Variants in DISC1 observed in about 807,000 individuals in gnomAD.
DISC1 encodes the protein DISC1 scaffold protein.
A neutral mutation model predicts 84.5 loss-of-function variants in DISC1; 57 were observed. That is an observed-to-expected ratio of 0.67 (90% CI 0.55 to 0.84). The LOEUF (loss-of-function observed/expected upper bound fraction) is 0.84. DISC1 is among the 40% of genes least tolerant of loss of function. DISC1 has a pLI of 0.00. For missense variants in DISC1, 1,000 were observed against 1,057.8 expected, an observed-to-expected ratio of 0.95 and a Z score of 0.76; for synonymous variants, 411 against 415.2, an observed-to-expected ratio of 0.99 and a Z score of 0.12.
chr1:231,956,813 G>A (rs1017059670), intron 9 of DISC1, among the ~76,000 whole-genome samples: 2 of 152,174 alleles, frequency 1.3e-5, no homozygotes, highest in African/African-American at 4.8e-5. Context: ...GTTGGTGCTG[G>A]ATGTATTCTA....
At chr1:231,725,148 A>C (rs1444665960) in intron 3 of DISC1, among the ~76,000 whole-genome samples, 2 of 152,122 alleles carry the variant, frequency 1.3e-5, no homozygotes, top group Non-Finnish European at 2.9e-5. Flanking sequence ...TGACGTCCCC[A>C]GTGATCAGGC....
At chr1:232,034,658 A>G (rs888708697) in intron 12 of DISC1, among the ~76,000 whole-genome samples, 1 of 152,194 alleles carries the variant, frequency 6.6e-6, no homozygotes, top group Admixed American at 6.5e-5. Context: ...GCACATTACA[A>G]ATAGTGGCAT....
intron 6 of DISC1, among the ~76,000 whole-genome samples, chr1:231,772,785 A>G (rs2076654562): frequency 6.6e-6 from 1 of 152,152 alleles, no homozygotes; most frequent in Non-Finnish European, 1.5e-5. Flanking sequence ...CATCCTATCC[A>G]GCCTATAAAA....
chr1:231,908,655 T>C (rs2088919173), intron 9 of DISC1, among the ~76,000 whole-genome samples: 1 of 152,220 alleles, frequency 6.6e-6, no homozygotes, highest in Non-Finnish European at 1.5e-5. Context: ...CAATGTGGGC[T>C]CCTTTTTGGT....
At chr1:231,833,058 T>G (rs1436190929) in intron 9 of DISC1, among the ~76,000 whole-genome samples, 1 of 142,366 alleles carries the variant, frequency 7.0e-6, no homozygotes. Flanking sequence ...TGGGTTAAGG[T>G]GGGGGGATAC....
At chr1:232,011,721 C>T (rs1016255832) in intron 11 of DISC1, among the ~76,000 whole-genome samples, 2 of 152,062 alleles carry the variant, frequency 1.3e-5, no homozygotes, top group African/African-American at 4.8e-5. Context: ...ATGTCTAAAT[C>T]CATAATTTTA....
At chr1:231,774,626 T>G in intron 6 of DISC1, 1 of 450,010 alleles carries the variant, frequency 2.2e-6, no homozygotes, top group Non-Finnish European at 4.5e-6. Flanking sequence ...CAGCTTCCTT[T>G]CTTCCACCGT....
intron 9 of DISC1, among the ~76,000 whole-genome samples, chr1:231,872,305 A>G (rs1199292538): frequency 1.3e-5 from 2 of 152,096 alleles, no homozygotes; most frequent in Non-Finnish European, 2.9e-5. Flanking sequence ...TGTATGTGTC[A>G]TGTGGTTCTT....
intron 9 of DISC1, among the ~76,000 whole-genome samples, chr1:231,843,544 G>A (rs1342626042): frequency 6.6e-6 from 1 of 152,198 alleles, no homozygotes; most frequent in Non-Finnish European, 1.5e-5. Context: ...CCCCCTGCAG[G>A]GAGGCCAGTG....
At chr1:231,933,883 G>C (rs1284334837) in intron 9 of DISC1, among the ~76,000 whole-genome samples, 2 of 152,142 alleles carry the variant, frequency 1.3e-5, no homozygotes, top group African/African-American at 4.8e-5. Flanking sequence ...GTCAGGGTGA[G>C]ACACCAAGAG....
chr1:231,791,522 G>A (rs1480607868), intron 6 of DISC1, among the ~76,000 whole-genome samples: 4 of 152,174 alleles, frequency 2.6e-5, no homozygotes, highest in African/African-American at 9.7e-5. Context: ...AGAGTGTCTG[G>A]TACATAGTAA....
intron 4 of DISC1, among the ~76,000 whole-genome samples, chr1:231,762,508 T>A (rs548527624): frequency 0.034 from 2,550 of 74,134 alleles, 76 homozygotes; most frequent in African/African-American, 0.088. Context: ...TTTTTAGTTT[T>A]GTTTTGTTTT....
chr1:231,935,069 G>A (rs910488224), intron 9 of DISC1, among the ~76,000 whole-genome samples: 6 of 152,218 alleles, frequency 3.9e-5, no homozygotes, highest in Admixed American at 6.5e-5. Context: ...GAAGGATTGT[G>A]TTAAAGAGAT....
chr1:231,635,524 C>G (rs1352167545), intron 1 of DISC1, among the ~76,000 whole-genome samples: 4 of 152,130 alleles, frequency 2.6e-5, no homozygotes, highest in Non-Finnish European at 4.4e-5. Flanking sequence ...TTTTCTGACT[C>G]CAATGTAGAC....
Position 231,713,703 on chromosome 1 carries a change from G to T in DISC1, c.1117+11679G>T, listed in dbSNP as rs1404744142. Among the ~76,000 whole-genome samples the T allele has an allele frequency of 6.9e-4, 89 of 129,476 alleles. 2 individuals carry two copies. Among genetic ancestry groups the T allele is most frequent in the African/African-American group, 2.6e-3 (83 of 31,848 alleles). 84.9% of individuals were successfully genotyped at this position (129,476 alleles called of 152,430 possible). ...CAGATATATATATATATATATAGGA[G>T]ATATATATATATATATATATAGGAG... is the stretch of plus-strand genomic sequence containing the variant. On this transcript the variant is annotated intron_variant, in intron 3 of 12. Transcript: ENST00000439617.
At chr1:231,664,340 T>C (rs1249030233) in intron 1 of DISC1, among the ~76,000 whole-genome samples, 1 of 151,892 alleles carries the variant, frequency 6.6e-6, no homozygotes, top group Non-Finnish European at 1.5e-5. Flanking sequence ...ATTATCCACA[T>C]CCCCCCATAT....
rs748242205 is a variant in DISC1 at position 231,694,809 on chromosome 1, A to G, written c.1047+4A>G. The G allele has an allele frequency of 1.2e-6, 2 of 1,613,218 alleles. No individual in the cohort carries two copies. Among genetic ancestry groups the G allele is most frequent in the South Asian group, 2.2e-5 (2 of 90,970 alleles). ...GAGAAACCGGAGGCAGATGGAGGTCAGTGTCTCTTCCACCTCTGTGGCCCG... is the reference window on the plus strand; with the variant it reads ...GAGAAACCGGAGGCAGATGGAGGTCGGTGTCTCTTCCACCTCTGTGGCCCG... On this transcript the variant is annotated splice_donor_region_variant and intron_variant, in intron 2 of 12. Coordinates refer to ENST00000439617, the MANE Select transcript of DISC1 (RefSeq NM_018662.3).
intron 9 of DISC1, among the ~76,000 whole-genome samples, chr1:231,822,995 C>T (rs1277967623): frequency 6.6e-6 from 1 of 152,188 alleles, no homozygotes; most frequent in African/African-American, 2.4e-5. Flanking sequence ...TAGGCTCTAC[C>T]TTCAACATTG....
At chr1:231,921,808 C>CTT (rs11288115) in intron 9 of DISC1, among the ~76,000 whole-genome samples, 2,859 of 120,050 alleles carry the variant, frequency 0.024, 68 homozygotes, top group Admixed American at 0.034. Flanking sequence ...CACTAGTTAC[C>CTT]TTTTTTTTTT....
Sources: allele counts gnomAD v4.1 joint callset (sites outside exome capture counted in the v4.1 genomes callset), GRCh38; gene constraint gnomAD v4.1.1; transcripts MANE v1.5; gene names NCBI Gene and HGNC (gene_info 2026-07-23, HGNC 2026-07-21).